STXBP4: variants seen among roughly 807,000 people sequenced by gnomAD.
STXBP4 encodes syntaxin-binding protein 4.
STXBP4 carries 55 observed loss-of-function variants against 76.1 expected under a neutral mutation model. The observed-to-expected ratio is 0.72, with a 90% CI of 0.58 to 0.91. The LOEUF (loss-of-function observed/expected upper bound fraction) is 0.91, where lower values mean the gene tolerates loss of function less well. STXBP4 is among the 40% of genes least tolerant of loss of function. STXBP4 has a pLI of 0.00. For missense variants in STXBP4, 618 were observed against 636.9 expected, an observed-to-expected ratio of 0.97 and a Z score of 0.32; for synonymous variants, 201 against 220.2, an observed-to-expected ratio of 0.91 and a Z score of 0.77.
intron 11 of STXBP4, among the ~76,000 whole-genome samples, chr17:55,046,828 C>G (rs1429921095): frequency 6.6e-6 from 1 of 151,776 alleles, no homozygotes; most frequent in Non-Finnish European, 1.5e-5. Flanking sequence ...CATTTGTATT[C>G]TTAACTGGCT....
intron 16 of STXBP4, among the ~76,000 whole-genome samples, chr17:55,110,685 T>C (rs2079701324): frequency 6.6e-6 from 1 of 152,220 alleles, no homozygotes; most frequent in Non-Finnish European, 1.5e-5. Context: ...CATTGTAGCA[T>C]GAAAGCAGCC....
At position 55,160,812 on chromosome 17, in the gene STXBP4, A is replaced by G. The variant is rs1598359140; in HGVS notation, c.*901A>G. 1 of 152,244 alleles carries G rather than the reference A, an allele frequency of 6.6e-6. No homozygotes were observed. Among genetic ancestry groups the G allele is most frequent in the African/African-American group, 2.4e-5 (1 of 41,452 alleles). 9.4% of individuals were successfully genotyped at this position (152,244 alleles called of 1,614,324 possible). ...AACCCTTCCCCCTTCTCTGCACCCA[A>G]GCCTTCGCCAAGTAGGCGCACTCTT... On this transcript the variant is annotated 3_prime_UTR_variant, in exon 18 of 18. Transcript: ENST00000376352.
rs575292317 is a variant in STXBP4, at chr17:55,019,198, CTTTT to C, written c.666+11605_666+11608del. On this transcript the variant is annotated intron_variant, in intron 8 of 17. Coordinates refer to ENST00000376352, the MANE Select transcript of STXBP4 (RefSeq NM_178509.6). The stretch of plus-strand genomic sequence containing the variant: ...CATCTTATTTTTTATTTTTGTTCTC[CTTTT>C]TTTATCACTTATTTTATTCCGCCTT... Among the ~76,000 whole-genome samples the C allele has an allele frequency of 2.8e-3, 426 of 151,954 alleles. 1 individual carries two copies. The highest frequency in any genetic ancestry group is 0.01 in the Middle Eastern group (3 of 294).
At position 55,072,903 on chromosome 17, in the gene STXBP4, G is replaced by A; in HGVS notation, c.1015G>A (p.Ala339Thr). Residue 339 changes from alanine (A) to threonine (T), a missense_variant, in exon 13 of 18, where the codon GCC becomes ACC. Ala to Thr is a moderately conservative substitution (Grantham distance 58). Transcript: ENST00000376352. ...TEELQNVKQE[A>T]KAVVEETRAL... is the part of the protein sequence containing the mutation. ...ACATTAATTTTGAAATCTTTAGGAA[G>A]CCAAAGCTGTAGTTGAAGAAACAAG... 1 of 1,596,760 alleles carries A rather than the reference G, an allele frequency of 6.3e-7. No homozygotes were observed. The highest frequency in any genetic ancestry group is 8.5e-7 in the Non-Finnish European group (1 of 1,173,500).
chr17:55,063,106 G>GC (rs986290813), intron 12 of STXBP4, among the ~76,000 whole-genome samples: 65 of 152,258 alleles, frequency 4.3e-4, no homozygotes, highest in African/African-American at 1.5e-3. Context: ...AGGAACACCA[G>GC]CACATAGCTT....
intron 16 of STXBP4, among the ~76,000 whole-genome samples, chr17:55,110,005 T>G (rs2079693478): frequency 6.6e-6 from 1 of 152,182 alleles, no homozygotes; most frequent in Admixed American, 6.5e-5. Context: ...TCAAAATATG[T>G]TTCATTGGAC....
In STXBP4 at chr17:54,986,262, G is replaced by A; in HGVS notation, c.43G>A (p.Glu15Lys). 6.3e-7 allele frequency: 1 copy of A among 1,583,772 alleles called. No homozygotes were observed. The highest frequency in any genetic ancestry group is 8.6e-7 in the Non-Finnish European group (1 of 1,161,734). Residue 15 changes from glutamate (E) to lysine (K), a missense_variant, in exon 3 of 18, where the codon GAA becomes AAA. Coordinates refer to ENST00000376352, the MANE Select transcript of STXBP4 (RefSeq NM_178509.6). ...TACTGTAGTATCACCCAGTCTACTT[G>A]AAAAGTAATTTTTAAGTTTAATATG... The part of the protein sequence containing the change: ...TSTVVSPSLL[E>K]KDPAFQMITI...
At chr17:55,074,884 A>C (rs1159256334) in intron 13 of STXBP4, among the ~76,000 whole-genome samples, 2 of 152,048 alleles carry the variant, frequency 1.3e-5, no homozygotes, top group African/African-American at 4.8e-5. Flanking sequence ...CAGTGGAAAA[A>C]AAGAAGGAAA....
intron 16 of STXBP4, among the ~76,000 whole-genome samples, chr17:55,120,717 G>T (rs978546863): frequency 2.0e-5 from 3 of 152,198 alleles, no homozygotes; most frequent in Non-Finnish European, 4.4e-5. Flanking sequence ...GCAATAAGCA[G>T]AGGTCAAGGG....
chr17:55,087,053 A>G (rs1331078769), intron 16 of STXBP4, among the ~76,000 whole-genome samples: 1 of 152,032 alleles, frequency 6.6e-6, no homozygotes, highest in Non-Finnish European at 1.5e-5. Context: ...GGCCATTTGT[A>G]TGTCTTCTTT....
Position 55,031,216 on chromosome 17 carries a change from C to G in STXBP4, c.715C>G (p.Leu239Val). The G allele has an allele frequency of 6.2e-7, 1 of 1,613,362 alleles. No homozygotes were observed. The highest frequency in any genetic ancestry group is 1.3e-5 in the African/African-American group (1 of 74,978). The change falls in exon 9 of 18, where the codon CTG (leucine) becomes GTG (valine). Residue 239 changes from leucine (L) to valine (V), a missense_variant. Coordinates refer to ENST00000376352, the MANE Select transcript of STXBP4 (RefSeq NM_178509.6). ...GCCCACAAAGGAACAACACCAAGCC[C>G]TGAGACAGCAAGTACAAGCAGACTC... ...IQPTKEQHQALRQQVQADSKG... is the reference protein window; with the variant it reads ...IQPTKEQHQAVRQQVQADSKG...
intron 16 of STXBP4, among the ~76,000 whole-genome samples, chr17:55,121,959 T>C (rs747193256): frequency 3.9e-5 from 6 of 152,008 alleles, no homozygotes; most frequent in Non-Finnish European, 4.4e-5. Flanking sequence ...AGTAGAAAGA[T>C]GAAAAAACCT....
chr17:55,026,545 G>C (rs551148537), intron 8 of STXBP4, among the ~76,000 whole-genome samples: 11 of 152,248 alleles, frequency 7.2e-5, no homozygotes, highest in Admixed American at 7.2e-4. Flanking sequence ...AAAAAACTAA[G>C]TCCCAAGAGT....
At chr17:54,975,085 T>C (rs1335235657) in intron 1 of STXBP4, among the ~76,000 whole-genome samples, 4 of 152,198 alleles carry the variant, frequency 2.6e-5, no homozygotes, top group Non-Finnish European at 5.9e-5. Context: ...TCCTGATTCC[T>C]ACCCCACTTA....
intron 16 of STXBP4, among the ~76,000 whole-genome samples, chr17:55,118,413 T>C (rs2079807179): frequency 6.6e-6 from 1 of 151,938 alleles, no homozygotes; most frequent in South Asian, 2.1e-4. Context: ...TTACTTATTA[T>C]AACGAGGAGG....
rs532885559 is a variant in STXBP4 at position 55,005,581 on chromosome 17, C to T, written c.575-1925C>T. On this transcript the variant is annotated intron_variant, in intron 7 of 17. Transcript: ENST00000376352. ...AGTGAGAACACATTCCTCAGTGTGT[C>T]AGTGTTGTAGGTGTTCCTGTCTCAC... is the stretch of plus-strand genomic sequence containing the variant. Among the ~76,000 whole-genome samples, 44 of 152,290 alleles carry T rather than the reference C, an allele frequency of 2.9e-4. 1 individual carries two copies. The highest frequency in any genetic ancestry group is 6.8e-3 in the Middle Eastern group (2 of 294).
intron 8 of STXBP4, among the ~76,000 whole-genome samples, chr17:55,015,360 TTCC>T (rs1422856398): frequency 6.6e-6 from 1 of 152,202 alleles, no homozygotes; most frequent in Non-Finnish European, 1.5e-5. Flanking sequence ...ATTGTTCTCT[TTCC>T]TCTGTTGTCA....
chr17:55,125,381 A>C (rs1166832474), intron 16 of STXBP4, among the ~76,000 whole-genome samples: 1 of 150,194 alleles, frequency 6.7e-6, no homozygotes, highest in Non-Finnish European at 1.5e-5. Flanking sequence ...TCACTCAAAA[A>C]TTCTATGCAT....
intron 12 of STXBP4, among the ~76,000 whole-genome samples, chr17:55,050,591 G>A (rs1187378446): frequency 6.6e-6 from 1 of 152,152 alleles, no homozygotes; most frequent in African/African-American, 2.4e-5. Context: ...CAGACAAATT[G>A]CTCCTCCTGG....
Sources: gnomAD v4.1 joint callset for allele counts (sites outside exome capture counted in the v4.1 genomes callset) on GRCh38, gnomAD v4.1.1 for gene constraint, MANE v1.5 for transcripts, NCBI Gene and HGNC (gene_info 2026-07-23, HGNC 2026-07-21) for gene names.